The following RPS27L variants were observed in gnomAD, a reference collection of about 807,000 sequenced individuals.
The protein encoded by RPS27L is ribosomal protein eS27-like.
RPS27L carries 10 observed loss-of-function variants against 12.8 expected under a neutral mutation model. The observed-to-expected ratio is 0.78, with a 90% confidence interval of 0.48 to 1.33. The LOEUF is 1.33. Among genes scored for constraint, RPS27L ranks in the 40% most tolerant of loss-of-function variants. The pLI, the probability that RPS27L is intolerant of heterozygous loss-of-function variation, is 0.00. For missense variants in RPS27L, 81 were observed against 97.4 expected (o/e 0.83, Z 0.71); for synonymous variants, 26 against 32.3 (o/e 0.81, Z 0.66).
chr15:63,155,734 A>T lies in RPS27L; in HGVS notation c.116-3T>A. ...AACCGTGGTGATCTTGTAGCAACCT[A>T]AAAAAAAAAAAAGGCAATGTTAAAA... is the stretch of plus-strand genomic sequence containing the variant. On this transcript the variant is annotated splice_region_variant and splice_polypyrimidine_tract_variant and intron_variant, in intron 2 of 3. Coordinates refer to ENST00000330964, the MANE Select transcript of RPS27L (RefSeq NM_015920.4). 3.5e-6 allele frequency: 1 copy of T among 288,554 alleles called. No individual in the cohort carries two copies. Among genetic ancestry groups the T allele is most frequent in the Non-Finnish European group, 5.4e-6 (1 of 186,724 alleles). The allele number at this position is 288,554 out of a possible 1,614,324, so 17.9% of individuals were successfully genotyped here.
Position 63,150,872 on chromosome 15 carries a change from C to A in RPS27L, c.*3160G>T, listed in dbSNP as rs1035308988. 1 of 152,222 alleles carries A rather than the reference C, an allele frequency of 6.6e-6. No homozygotes were observed. Among genetic ancestry groups the A allele is most frequent in the Admixed American group, 6.5e-5 (1 of 15,284 alleles). The allele number at this position is 152,222 out of a possible 1,614,324, so 9.4% of individuals were successfully genotyped here. A position where few individuals can be genotyped will look rare whatever the true frequency, so the allele number is the denominator to read the frequency against. ...AGCCAGGGTGGTCTCGATCTCCTGA[C>A]CTCGTGATCCACCCGCCTCGGCCTC... is the stretch of plus-strand genomic sequence containing the variant. On this transcript the variant is annotated 3_prime_UTR_variant, in exon 4 of 4. Coordinates refer to ENST00000330964, the MANE Select transcript of RPS27L (RefSeq NM_015920.4).
In RPS27L at chr15:63,154,431, G is replaced by T. The variant is rs924416569; in HGVS notation, c.227-371C>A. On this transcript the variant is annotated intron_variant, in intron 3 of 3. Transcript: ENST00000330964. The stretch of plus-strand genomic sequence containing the variant: ...ATAATTTTGATTAGAGGTATTTTCA[G>T]ACCTATTAGGAAAACTCTAGAACAG... The T allele has an allele frequency of 4.9e-5, 9 of 182,046 alleles. 1 individual carries two copies. The South Asian group carries it at 8.4e-4, about 17-fold the overall frequency. The allele number at this position is 182,046 out of a possible 1,614,324, so 11.3% of individuals were successfully genotyped here. A position where few individuals can be genotyped will look rare whatever the true frequency, so the allele number is the denominator to read the frequency against.
Position 63,153,910 on chromosome 15 carries a change from G to T in RPS27L, c.*122C>A. 1 of 825,336 alleles carries T rather than the reference G, an allele frequency of 1.2e-6. No homozygotes were observed. Among genetic ancestry groups the T allele is most frequent in the Non-Finnish European group, 2.1e-6 (1 of 485,604 alleles). The allele number at this position is 825,336 out of a possible 1,614,324, so 51.1% of individuals were successfully genotyped here. A position where few individuals can be genotyped will look rare whatever the true frequency, so the allele number is the denominator to read the frequency against. On this transcript the variant is annotated 3_prime_UTR_variant, in exon 4 of 4. Coordinates refer to ENST00000330964, the MANE Select transcript of RPS27L (RefSeq NM_015920.4). Reference sequence around the variant, plus strand: ...GACACCAAAATAGGAGATTACTGCTGTATACCTTACAAAACCAAATGTAAT... The same window carrying T: ...GACACCAAAATAGGAGATTACTGCTTTATACCTTACAAAACCAAATGTAAT...
intron 1 of RPS27L, chr15:63,156,785 A>G: frequency 3.4e-6 from 2 of 583,722 alleles, no homozygotes. Flanking sequence ...TCTTTACTCA[A>G]CTGCGTAATG....
Position 63,150,461 on chromosome 15 carries a change from G to A in RPS27L, c.*3571C>T, listed in dbSNP as rs931933798. ...ATGGTTGCACAACCTTGTAAATATA[G>A]TAAAAACTACTGACTTTTACATCAC... On this transcript the variant is annotated 3_prime_UTR_variant, in exon 4 of 4. Transcript: ENST00000330964. 2 of 152,096 alleles carry A rather than the reference G, an allele frequency of 1.3e-5. No homozygotes were observed. The highest frequency in any genetic ancestry group is 2.9e-5 in the Non-Finnish European group (2 of 68,004). The allele number at this position is 152,096 out of a possible 1,614,324, so 9.4% of individuals were successfully genotyped here.
In RPS27L at chr15:63,153,340, T is replaced by A. The variant is rs966920325; in HGVS notation, c.*692A>T. On this transcript the variant is annotated 3_prime_UTR_variant, in exon 4 of 4. Coordinates refer to ENST00000330964, the MANE Select transcript of RPS27L (RefSeq NM_015920.4). ...CCAAGGCATTACACTGTGATCAATATGTATTTTTTTGAAACTATTCTTTTT... is the reference window on the plus strand; with the variant it reads ...CCAAGGCATTACACTGTGATCAATAAGTATTTTTTTGAAACTATTCTTTTT... 6.6e-6 allele frequency: 1 copy of A among 152,224 alleles called. No individual in the cohort carries two copies. Among genetic ancestry groups the A allele is most frequent in the Non-Finnish European group, 1.5e-5 (1 of 68,044 alleles). 9.4% of individuals were successfully genotyped at this position (152,224 alleles called of 1,614,324 possible).
rs1026687245 is a variant in RPS27L, at chr15:63,152,657, A to AGCTAATT, written c.*1368_*1374dup. The AGCTAATT allele has an allele frequency of 1.4e-5, 2 of 146,494 alleles. No homozygotes were observed. The highest frequency in any genetic ancestry group is 5.2e-5 in the African/African-American group (2 of 38,750). 9.1% of individuals were successfully genotyped at this position (146,494 alleles called of 1,614,324 possible). A position where few individuals can be genotyped will look rare whatever the true frequency, so the allele number is the denominator to read the frequency against. On this transcript the variant is annotated 3_prime_UTR_variant, in exon 4 of 4. Coordinates refer to ENST00000330964, the MANE Select transcript of RPS27L (RefSeq NM_015920.4). ...ATTACAGGCATGCACCACCACGCCCAGCTAATTTTGCATTTTTAGTAGAGA... is the reference window on the plus strand; with the variant it reads ...ATTACAGGCATGCACCACCACGCCCAGCTAATTGCTAATTTTGCATTTTTAGTAGAGA...
At position 63,157,422 on chromosome 15, in the gene RPS27L, G is replaced by C. The variant is rs1284431425; in HGVS notation, c.-17C>G. The C allele has an allele frequency of 1.9e-6, 3 of 1,613,964 alleles. No individual in the cohort carries two copies. In the Admixed American group the frequency reaches 5.0e-5, roughly 27 times the overall value. ...CACAGGCATGTTGATCCTCTTGCAA[G>C]CTCAGCCCTACCAGACCTCCCAGCC... On this transcript the variant is annotated 5_prime_UTR_variant, in exon 1 of 4. Coordinates refer to ENST00000330964, the MANE Select transcript of RPS27L (RefSeq NM_015920.4).
intron 1 of RPS27L, 98 bp downstream of exon 1, chr15:63,157,302 G>A: frequency 7.4e-7 from 1 of 1,359,852 alleles, no homozygotes; most frequent in Non-Finnish European, 1.1e-6. Context: ...GCCACTCTCG[G>A]ACACTACAGG....
Position 63,151,398 on chromosome 15 carries a change from T to TA in RPS27L, c.*2633dup, listed in dbSNP as rs1410301695. ...ACAGGTGTACACCACCACGCCCAGC[T>TA]AATTTTTGTATGTTTAGTAGAGACG... On this transcript the variant is annotated 3_prime_UTR_variant, in exon 4 of 4. Transcript: ENST00000330964. 1 of 152,062 alleles carries TA rather than the reference T, an allele frequency of 6.6e-6. No homozygotes were observed. The highest frequency in any genetic ancestry group is 2.4e-5 in the African/African-American group (1 of 41,388). 9.4% of individuals were successfully genotyped at this position (152,062 alleles called of 1,614,324 possible). A position where few individuals can be genotyped will look rare whatever the true frequency, so the allele number is the denominator to read the frequency against.
Position 63,148,915 on chromosome 15 carries a change from G to A in RPS27L, c.*5117C>T, listed in dbSNP as rs1259978038. Reference sequence around the variant, plus strand: ...GCTCTGTCGCCCAGGCTGGAGTGCAGTGGTACGATCTGGGCTCACTGCAAG... The same window carrying A: ...GCTCTGTCGCCCAGGCTGGAGTGCAATGGTACGATCTGGGCTCACTGCAAG... On this transcript the variant is annotated 3_prime_UTR_variant, in exon 4 of 4. Transcript: ENST00000330964. 1.4e-5 allele frequency: 2 copies of A among 145,240 alleles called. No individual in the cohort carries two copies. Among genetic ancestry groups the A allele is most frequent in the African/African-American group, 2.6e-5 (1 of 38,402 alleles). The allele number at this position is 145,240 out of a possible 1,614,324, so 9.0% of individuals were successfully genotyped here. A position where few individuals can be genotyped will look rare whatever the true frequency, so the allele number is the denominator to read the frequency against.
chr15:63,152,914 G>C lies in RPS27L; in HGVS notation c.*1118C>G, dbSNP rs560183496. ...TGCTCACATTAGAGGCCTACCTGTT[G>C]ATAGGAAATGCCTGTTTTAAATACC... On this transcript the variant is annotated 3_prime_UTR_variant, in exon 4 of 4. Coordinates refer to ENST00000330964, the MANE Select transcript of RPS27L (RefSeq NM_015920.4). 23 of 152,246 alleles carry C rather than the reference G, an allele frequency of 1.5e-4. No homozygotes were observed. Among genetic ancestry groups the C allele is most frequent in the African/African-American group, 5.3e-4 (22 of 41,540 alleles). The allele number at this position is 152,246 out of a possible 1,614,324, so 9.4% of individuals were successfully genotyped here.
Position 63,157,333 on chromosome 15 carries a change from A to T in RPS27L, c.6+67T>A, listed in dbSNP as rs1381806722. On this transcript the variant is annotated intron_variant, in intron 1 of 3. Transcript: ENST00000330964. Reference sequence around the variant, plus strand: ...ACAGGCCCGAGAGGCAGCCGGACTCATCCGTCCCATATGACTCTCGGTAAA... The same window carrying T: ...ACAGGCCCGAGAGGCAGCCGGACTCTTCCGTCCCATATGACTCTCGGTAAA... 1.9e-6 allele frequency: 3 copies of T among 1,571,686 alleles called. No homozygotes were observed. The African/African-American group carries it at 4.0e-5, about 21-fold the overall frequency.
intron 1 of RPS27L, chr15:63,156,842 A>G (rs574259499): frequency 3.8e-6 from 2 of 519,704 alleles, no homozygotes; most frequent in African/African-American, 4.0e-5. Context: ...CTAAGCAAAG[A>G]AAGTGACCCC....
chr15:63,151,880 G>T lies in RPS27L; in HGVS notation c.*2152C>A, dbSNP rs1297973186. The T allele has an allele frequency of 6.6e-6, 1 of 152,220 alleles. No individual in the cohort carries two copies. The highest frequency in any genetic ancestry group is 2.4e-5 in the African/African-American group (1 of 41,456). 9.4% of individuals were successfully genotyped at this position (152,220 alleles called of 1,614,324 possible). A position where few individuals can be genotyped will look rare whatever the true frequency, so the allele number is the denominator to read the frequency against. On this transcript the variant is annotated 3_prime_UTR_variant, in exon 4 of 4. Transcript: ENST00000330964. Reference sequence around the variant, plus strand: ...CAAAAAGCACCATGCAAAAATCAATGTGGAAGAAATAAGGACAATGGTGTC... The same window carrying T: ...CAAAAAGCACCATGCAAAAATCAATTTGGAAGAAATAAGGACAATGGTGTC...
In RPS27L at chr15:63,153,959, A is replaced by C. The variant is rs2037316352; in HGVS notation, c.*73T>G. The C allele has an allele frequency of 1.6e-6, 2 of 1,220,218 alleles. No individual in the cohort carries two copies. Among genetic ancestry groups the C allele is most frequent in the Non-Finnish European group, 2.4e-6 (2 of 829,476 alleles). 75.6% of individuals were successfully genotyped at this position (1,220,218 alleles called of 1,614,324 possible). A position where few individuals can be genotyped will look rare whatever the true frequency, so the allele number is the denominator to read the frequency against. On this transcript the variant is annotated 3_prime_UTR_variant, in exon 4 of 4. Coordinates refer to ENST00000330964, the MANE Select transcript of RPS27L (RefSeq NM_015920.4). Reference sequence around the variant, plus strand: ...ATTACATTATCTTGGTAAATTAATTAGAATTATGGAATTTATGATAAGGCT... The same window carrying C: ...ATTACATTATCTTGGTAAATTAATTCGAATTATGGAATTTATGATAAGGCT...
In RPS27L at chr15:63,156,428, C is replaced by A. The variant is rs757119275; in HGVS notation, c.100G>T (p.Asp34Tyr). The change falls in exon 2 of 4, where the codon GAT (aspartate) becomes TAT (tyrosine). Residue 34 changes from aspartate (D) to tyrosine (Y), a missense_variant. Physicochemically the swap from Asp to Tyr is radical, Grantham distance 160 (BLOSUM62 -3). Coordinates refer to ENST00000330964, the MANE Select transcript of RPS27L (RefSeq NM_015920.4). ...CAAATTTTACCTGGACATTTTACATCCATAAAGTAAGAATTTGGACTTTGT... is the reference window on the plus strand; with the variant it reads ...CAAATTTTACCTGGACATTTTACATACATAAAGTAAGAATTTGGACTTTGT... ...LVQSPNSYFM[D>Y]VKCPGCYKIT... 4 of 1,566,092 alleles carry A rather than the reference C, an allele frequency of 2.6e-6. No individual in the cohort carries two copies. The highest frequency in any genetic ancestry group is 3.9e-5 in the Admixed American group (2 of 51,282).
rs1018050334 is a variant in RPS27L, at chr15:63,153,248, A to C, written c.*784T>G. The C allele has an allele frequency of 6.6e-6, 1 of 152,196 alleles. No individual in the cohort carries two copies. Among genetic ancestry groups the C allele is most frequent in the South Asian group, 2.1e-4 (1 of 4,832 alleles). The allele number at this position is 152,196 out of a possible 1,614,324, so 9.4% of individuals were successfully genotyped here. ...TACCCTAAAAAGGAGCTTCCAATAA[A>C]TAACTCACACCCCAGCTAGCAGTTA... On this transcript the variant is annotated 3_prime_UTR_variant, in exon 4 of 4. Transcript: ENST00000330964.
At chr15:63,156,963 G>C (rs2037336456) in intron 1 of RPS27L, 1 of 351,166 alleles carries the variant, frequency 2.8e-6, no homozygotes, top group Non-Finnish European at 5.1e-6. Context: ...AATTCTTGCT[G>C]AGCGACCGTC....
Sources: gnomAD v4.1 joint callset for allele counts on GRCh38, gnomAD v4.1.1 for gene constraint, MANE v1.5 for transcripts, NCBI Gene and HGNC (gene_info 2026-07-23, HGNC 2026-07-21) for gene names.